The following CNTNAP2 variants were observed in gnomAD, a reference collection of about 807,000 sequenced individuals.
CNTNAP2 encodes contactin-associated protein-like 2.
In CNTNAP2, 98 loss-of-function variants were observed where a neutral mutation model predicts 155.2. The ratio of observed to expected loss-of-function variants is 0.63; its 90% CI spans 0.54 to 0.75. CNTNAP2 has a LOEUF of 0.75. Ranked by LOEUF, CNTNAP2 falls within the 30% of genes least tolerant of loss-of-function variation. The pLI is 0.00. For missense variants in CNTNAP2, 1,727 were observed against 1,688.1 expected (o/e 1.02, Z -0.40); for synonymous variants, 651 against 631.2 (o/e 1.03, Z -0.47).
chr7:146,784,351 T>G (rs867402383), intron 2 of CNTNAP2, among the ~76,000 whole-genome samples: 17 of 152,178 alleles, frequency 1.1e-4, no homozygotes, highest in South Asian at 2.1e-4. Context: ...AATAGCTGAC[T>G]GTCTAAAAGA....
chr7:147,121,949 G>C (rs140411262), intron 6 of CNTNAP2: 1 of 152,100 alleles, frequency 6.6e-6, no homozygotes, highest in Non-Finnish European at 1.5e-5. Flanking sequence ...AGGCTGACGC[G>C]GGCGGATCAC....
At chr7:146,782,862 C>T (rs559749659) in intron 2 of CNTNAP2, among the ~76,000 whole-genome samples, 347 of 152,220 alleles carry the variant, frequency 2.3e-3, no homozygotes, top group Non-Finnish European at 3.7e-3. Flanking sequence ...CATTTTAAAA[C>T]GAGGATTGAA....
intron 1 of CNTNAP2, among the ~76,000 whole-genome samples, chr7:146,354,772 G>T (rs1363582430): frequency 6.6e-6 from 1 of 152,036 alleles, no homozygotes; most frequent in Non-Finnish European, 1.5e-5. Context: ...GGGCAACCTG[G>T]TCTCTTTCTC....
At chr7:147,527,654 A>T (rs1440932538) in intron 11 of CNTNAP2, among the ~76,000 whole-genome samples, 1 of 152,228 alleles carries the variant, frequency 6.6e-6, no homozygotes, top group Non-Finnish European at 1.5e-5. Context: ...TAATGGCTTG[A>T]ATCTTCTTAC....
intron 1 of CNTNAP2, among the ~76,000 whole-genome samples, chr7:146,470,443 G>A (rs773497808): frequency 3.3e-5 from 5 of 152,234 alleles, no homozygotes; most frequent in East Asian, 1.9e-4. Context: ...TACCTGATAC[G>A]TCCCTTTCTC....
intron 11 of CNTNAP2, among the ~76,000 whole-genome samples, chr7:147,519,272 C>T (rs188161694): frequency 1.4e-3 from 220 of 152,140 alleles, no homozygotes; most frequent in Admixed American, 2.6e-3. Context: ...GGGCACTGGC[C>T]GTCATCTTCA....
At chr7:147,040,040 A>G (rs889016335) in intron 3 of CNTNAP2, among the ~76,000 whole-genome samples, 1 of 152,222 alleles carries the variant, frequency 6.6e-6, no homozygotes, top group Non-Finnish European at 1.5e-5. Context: ...TGGGAAAAAT[A>G]TTTGCAAACT....
intron 1 of CNTNAP2, among the ~76,000 whole-genome samples, chr7:146,756,378 GATAAC>G (rs1379729349): frequency 6.6e-6 from 1 of 151,956 alleles, no homozygotes; most frequent in African/African-American, 2.4e-5. Flanking sequence ...TGGTATGCTT[GATAAC>G]ATTATCTTCT....
At chr7:146,455,313 T>A (rs1402912183) in intron 1 of CNTNAP2, among the ~76,000 whole-genome samples, 1 of 152,194 alleles carries the variant, frequency 6.6e-6, no homozygotes, top group African/African-American at 2.4e-5. Flanking sequence ...TCTCTGAAAG[T>A]CATTTTAATC....
chr7:147,683,008 A>C (rs1217260676), intron 13 of CNTNAP2, among the ~76,000 whole-genome samples: 1 of 151,912 alleles, frequency 6.6e-6, no homozygotes, highest in African/African-American at 2.4e-5. Context: ...AAGGGCTCTA[A>C]TGATCCTACT....
intron 10 of CNTNAP2, among the ~76,000 whole-genome samples, chr7:147,468,968 G>A (rs1479298981): frequency 6.6e-6 from 1 of 151,870 alleles, no homozygotes; most frequent in African/African-American, 2.4e-5. Flanking sequence ...AGCTTCCCAA[G>A]TGCGCCATCA....
At chr7:146,144,918 G>T (rs1797935538) in intron 1 of CNTNAP2, among the ~76,000 whole-genome samples, 1 of 152,152 alleles carries the variant, frequency 6.6e-6, no homozygotes, top group Admixed American at 6.6e-5. Context: ...AGGTATAATG[G>T]AAGGAAATGT....
chr7:146,727,925 C>G (rs1436992665), intron 1 of CNTNAP2, among the ~76,000 whole-genome samples: 1 of 152,128 alleles, frequency 6.6e-6, no homozygotes, highest in African/African-American at 2.4e-5. Flanking sequence ...TTTAGGCCAC[C>G]TAGCATTTTG....
chr7:146,486,994 T>A (rs892529572), intron 1 of CNTNAP2, among the ~76,000 whole-genome samples: 4 of 152,180 alleles, frequency 2.6e-5, no homozygotes, highest in Non-Finnish European at 5.9e-5. Context: ...AATGAAGAGG[T>A]CTGGAGATTT....
At chr7:146,913,919 C>T (rs1246699530) in intron 3 of CNTNAP2, among the ~76,000 whole-genome samples, 1 of 152,000 alleles carries the variant, frequency 6.6e-6, no homozygotes, top group African/African-American at 2.4e-5. Context: ...TACCCTTTCC[C>T]CTGAGTCCCC....
At chr7:147,624,287 G>T (rs573690512) in intron 12 of CNTNAP2, among the ~76,000 whole-genome samples, 67 of 151,926 alleles carry the variant, frequency 4.4e-4, no homozygotes, top group Non-Finnish European at 9.0e-4. Context: ...AAAAACTTCT[G>T]CACAGCAAAC....
chr7:146,150,163 A>G (rs1351143952), intron 1 of CNTNAP2, among the ~76,000 whole-genome samples: 4 of 152,168 alleles, frequency 2.6e-5, no homozygotes, highest in African/African-American at 9.6e-5. Context: ...ATTTAATGTA[A>G]TAAGTTATTA....
intron 1 of CNTNAP2, among the ~76,000 whole-genome samples, chr7:146,558,629 A>G (rs183224814): frequency 6.6e-6 from 1 of 152,220 alleles, no homozygotes; most frequent in Admixed American, 6.5e-5. Context: ...TTAATATAAG[A>G]GGTACATTCT....
At chr7:146,742,170 C>G (rs987414176) in intron 1 of CNTNAP2, among the ~76,000 whole-genome samples, 3 of 151,352 alleles carry the variant, frequency 2.0e-5, no homozygotes, top group Admixed American at 6.6e-5. Flanking sequence ...TTACTGATTG[C>G]TTATTTTGCA....
Sources: gnomAD v4.1 joint callset for allele counts (sites outside exome capture counted in the v4.1 genomes callset) on GRCh38, gnomAD v4.1.1 for gene constraint, MANE v1.5 for transcripts, NCBI Gene and HGNC (gene_info 2026-07-23, HGNC 2026-07-21) for gene names.